The following POLR2B variants were observed in gnomAD, a reference collection of about 807,000 sequenced individuals.
The protein encoded by POLR2B is DNA-directed RNA polymerase II subunit RPB2.
POLR2B carries 57 observed loss-of-function variants against 144.6 expected under a neutral mutation model. That is an observed-to-expected ratio of 0.39 (90% CI 0.32 to 0.49). POLR2B has a LOEUF of 0.49. POLR2B is among the 20% of genes least tolerant of loss of function. The pLI is 0.83. For missense variants in POLR2B, 595 were observed against 1,467.4 expected, an observed-to-expected ratio of 0.41 and a Z score of 9.71; for synonymous variants, 442 against 469.8, an observed-to-expected ratio of 0.94 and a Z score of 0.77.
chr4:57,015,223 G>C (rs1198336218), intron 13 of POLR2B, among the ~76,000 whole-genome samples: 4 of 151,996 alleles, frequency 2.6e-5, no homozygotes, highest in Non-Finnish European at 4.4e-5. Context: ...TAGTGTTTGT[G>C]GTATTGAAAA....
At chr4:57,021,733 C>A (rs538634834) in intron 17 of POLR2B, among the ~76,000 whole-genome samples, 16 of 152,188 alleles carry the variant, frequency 1.1e-4, no homozygotes, top group Admixed American at 9.8e-4. Flanking sequence ...CTCCTGACTT[C>A]AGCTGATCCA....
chr4:57,014,873 T>C (rs1723317069), intron 13 of POLR2B, among the ~76,000 whole-genome samples: 2 of 152,194 alleles, frequency 1.3e-5, no homozygotes, highest in African/African-American at 4.8e-5. Flanking sequence ...ATATAAAAAT[T>C]ATTAGTAAAC....
At chr4:56,993,663 T>C (rs1722590835) in intron 3 of POLR2B, among the ~76,000 whole-genome samples, 2 of 152,354 alleles carry the variant, frequency 1.3e-5, no homozygotes, top group South Asian at 4.1e-4. Flanking sequence ...TCTTTTTTTT[T>C]CTATGAACTA....
chr4:56,979,977 A>G (rs939821991), intron 1 of POLR2B, among the ~76,000 whole-genome samples: 1 of 151,920 alleles, frequency 6.6e-6, no homozygotes, highest in African/African-American at 2.4e-5. Flanking sequence ...CTGCTAATTC[A>G]AACCTTATTT....
At position 57,030,981 on chromosome 4, in the gene POLR2B, G is replaced by A. The variant is rs899053104; in HGVS notation, c.3518G>A (p.Ser1173Asn). The change falls in exon 25 of 25, where the codon AGT (serine) becomes AAT (asparagine). Residue 1173 changes from serine to asparagine, a missense_variant. This residue lies in a region of POLR2B where 45 missense variants were observed against 80.9 expected (regional missense o/e 0.56). Transcript: ENST00000314595. ...MSMSIAPRMM[S>N]V ...ATGAGTATTGCACCGCGAATGATGAGTGTTTAGCTATTTTACAGGAGTCAA... is the reference window on the plus strand; with the variant it reads ...ATGAGTATTGCACCGCGAATGATGAATGTTTAGCTATTTTACAGGAGTCAA... 4 of 1,573,200 alleles carry A rather than the reference G, an allele frequency of 2.5e-6. No homozygotes were observed. The African/African-American group carries it at 4.0e-5, about 16-fold the overall frequency.
chr4:57,026,161 C>T (rs1218209963), intron 23 of POLR2B, among the ~76,000 whole-genome samples: 1 of 151,936 alleles, frequency 6.6e-6, no homozygotes, highest in East Asian at 1.9e-4. Flanking sequence ...TCACTTGAAC[C>T]TGGGAGGCGG....
In POLR2B at chr4:57,023,809, A is replaced by C. The variant is rs1313683703; in HGVS notation, c.2856+58A>C. Reference sequence around the variant, plus strand: ...CAGTTTTGTTAAATATTTTTTTTTTAATCAAAATTTGCTTTAACTTAAGAG... The same window carrying C: ...CAGTTTTGTTAAATATTTTTTTTTTCATCAAAATTTGCTTTAACTTAAGAG... On this transcript the variant is annotated intron_variant, in intron 20 of 24. Coordinates refer to ENST00000314595, the MANE Select transcript of POLR2B (RefSeq NM_000938.3). This position sits in a 1 kb window ranked among gnomAD's most constrained non-coding sequence, Gnocchi z 4.3. 6 of 1,221,134 alleles carry C rather than the reference A, an allele frequency of 4.9e-6. No homozygotes were observed. Among genetic ancestry groups the C allele is most frequent in the Non-Finnish European group, 5.8e-6 (5 of 859,658 alleles). The allele number at this position is 1,221,134 out of a possible 1,614,324, so 75.6% of individuals were successfully genotyped here.
At chr4:56,985,726 G>A (rs1487870182) in intron 1 of POLR2B, among the ~76,000 whole-genome samples, 1 of 152,202 alleles carries the variant, frequency 6.6e-6, no homozygotes, top group Non-Finnish European at 1.5e-5. Flanking sequence ...GCTCCAGAAG[G>A]AAGTGTTTTA....
intron 6 of POLR2B, among the ~76,000 whole-genome samples, chr4:56,998,390 T>A (rs1029412651): frequency 2.0e-5 from 3 of 151,914 alleles, no homozygotes; most frequent in African/African-American, 7.3e-5. Context: ...AGAGACAGGG[T>A]TTCACCATGT....
chr4:57,023,943 G>T lies in POLR2B; in HGVS notation c.2857-62G>T. ...ATACAGTAATTCAGTTGGGAGAACTGAAATGTCAGTTCTAGTTTAGTATAT... is the reference window on the plus strand; with the variant it reads ...ATACAGTAATTCAGTTGGGAGAACTTAAATGTCAGTTCTAGTTTAGTATAT... On this transcript the variant is annotated intron_variant, in intron 20 of 24. Transcript: ENST00000314595. The surrounding 1 kb of genome is among the most constrained non-coding windows in gnomAD (Gnocchi z 4.3). 2 of 965,396 alleles carry T rather than the reference G, an allele frequency of 2.1e-6. No homozygotes were observed. The highest frequency in any genetic ancestry group is 1.6e-5 in the South Asian group (1 of 62,884). 59.8% of individuals were successfully genotyped at this position (965,396 alleles called of 1,614,324 possible). A position where few individuals can be genotyped will look rare whatever the true frequency, so the allele number is the denominator to read the frequency against.
At chr4:57,025,089 G>GTA (rs1723672164) in intron 22 of POLR2B, 90 bp downstream of exon 22, 1 of 706,042 alleles carries the variant, frequency 1.4e-6, no homozygotes, top group Admixed American at 2.5e-5. Flanking sequence ...TTTTATTGAA[G>GTA]TATCATATGT....
chr4:57,021,100 A>G, intron 17 of POLR2B, 105 bp downstream of exon 17: 1 of 705,852 alleles, frequency 1.4e-6, no homozygotes, highest in East Asian at 2.6e-5. Context: ...CACTCCAGAA[A>G]GTGGAAGGAC....
In POLR2B at chr4:57,030,237, A is replaced by C; in HGVS notation, c.3273A>C (p.Arg1091=). The part of the protein sequence containing the change: ...DGGLRFGEME[R]DCQIAHGAAQ... ...GCCTGCGTTTTGGAGAAATGGAACG[A>C]GATTGTCAGATTGCCCATGGAGCAG... The change falls in exon 24 of 25, where the codon CGA becomes CGC. Residue 1091 remains arginine (R), a synonymous_variant. Transcript: ENST00000314595. The C allele has an allele frequency of 6.2e-7, 1 of 1,614,126 alleles. No individual in the cohort carries two copies. The highest frequency in any genetic ancestry group is 8.5e-7 in the Non-Finnish European group (1 of 1,179,982).
chr4:57,012,073 A>G (rs564281177), intron 13 of POLR2B, among the ~76,000 whole-genome samples: 9 of 152,208 alleles, frequency 5.9e-5, no homozygotes, highest in East Asian at 1.9e-4. Context: ...TTTGGAGGAT[A>G]TTGAAGTGCT....
At chr4:57,024,677 T>G (rs537853149) in intron 21 of POLR2B, among the ~76,000 whole-genome samples, 3 of 152,336 alleles carry the variant, frequency 2.0e-5, no homozygotes, top group African/African-American at 7.2e-5. Flanking sequence ...TCTAAATGTT[T>G]TGTGTAAGGT....
At chr4:56,999,226 T>A (rs970422537) in intron 6 of POLR2B, among the ~76,000 whole-genome samples, 3 of 151,406 alleles carry the variant, frequency 2.0e-5, no homozygotes, top group African/African-American at 4.8e-5. Flanking sequence ...TTTTTTTTTT[T>A]TTTACCTCTC....
intron 17 of POLR2B, 55 bp downstream of exon 17, chr4:57,021,050 T>A (rs1723529825): frequency 4.1e-6 from 4 of 977,308 alleles, no homozygotes; most frequent in Admixed American, 1.8e-5. Context: ...ACTAATTTTT[T>A]ATGCAAAAAA....
intron 17 of POLR2B, 98 bp from the exon 18 acceptor site, chr4:57,022,054 T>C (rs1723570298): frequency 3.0e-6 from 2 of 669,474 alleles, no homozygotes; most frequent in Non-Finnish European, 5.2e-6. Context: ...TAGTTTAAAT[T>C]GTCTCCCAAA....
intron 22 of POLR2B, 52 bp from the exon 23 acceptor site, chr4:57,025,325 T>C (rs1265429470): frequency 6.8e-6 from 9 of 1,313,898 alleles, no homozygotes; most frequent in Admixed American, 5.1e-5. Context: ...CATATCTTCT[T>C]TGACGTTGTT....
Sources: allele counts gnomAD v4.1 joint callset (sites outside exome capture counted in the v4.1 genomes callset), GRCh38; gene constraint gnomAD v4.1.1; regional missense constraint gnomAD v4.1.1; non-coding constraint Gnocchi (gnomAD v3.1); transcripts MANE v1.5; gene names NCBI Gene and HGNC (gene_info 2026-07-23, HGNC 2026-07-21).